S100PBP: variants seen among roughly 807,000 people sequenced by gnomAD.
The protein encoded by S100PBP is S100P-binding protein.
A neutral mutation model predicts 39.9 loss-of-function variants in S100PBP; 15 were observed. That is an observed-to-expected ratio of 0.38 (90% confidence interval 0.25 to 0.58). The LOEUF is 0.58. S100PBP is among the 20% of genes least tolerant of loss of function. The pLI, the probability that S100PBP is intolerant of heterozygous loss-of-function variation, is 0.70. For missense variants in S100PBP, 504 were observed against 487.3 expected (o/e 1.03, Z -0.32); for synonymous variants, 178 against 180.3 (o/e 0.99, Z 0.10).
chr1:32,829,429 G>C (rs1639490123), intron 4 of S100PBP, among the ~76,000 whole-genome samples: 1 of 152,106 alleles, frequency 6.6e-6, no homozygotes, highest in South Asian at 2.1e-4. Flanking sequence ...TTAGCAGGAG[G>C]TTGTATCTAT....
intron 5 of S100PBP, among the ~76,000 whole-genome samples, chr1:32,841,181 A>T (rs140009755): frequency 0.021 from 3,114 of 151,886 alleles, 56 homozygotes; most frequent in Non-Finnish European, 0.028. Flanking sequence ...AAAATAAAAA[A>T]AATTGGATTA....
Position 32,858,336 on chromosome 1 carries a change from T to G in S100PBP, c.*2298T>G, listed in dbSNP as rs1326034950. On this transcript the variant is annotated 3_prime_UTR_variant, in exon 7 of 7. Coordinates refer to ENST00000373475, the MANE Select transcript of S100PBP (RefSeq NM_022753.4). ...CACATTTCCTCTTAGCTCAAATAAT[T>G]CTGTTTTTCCAAAGCTTTAGCAGCT... The G allele has an allele frequency of 6.6e-6, 1 of 152,632 alleles. No homozygotes were observed. The highest frequency in any genetic ancestry group is 1.5e-5 in the Non-Finnish European group (1 of 68,032). 9.5% of individuals were successfully genotyped at this position (152,632 alleles called of 1,614,324 possible). A position where few individuals can be genotyped will look rare whatever the true frequency, so the allele number is the denominator to read the frequency against.
At chr1:32,817,260 G>A (rs1324822622), upstream of S100PBP, 9 of 1,613,622 alleles carry the variant, frequency 5.6e-6, no homozygotes, top group Admixed American at 1.7e-5. Context: ...CGCTACCCCT[G>A]CTTCCCCCGC....
intron 5 of S100PBP, among the ~76,000 whole-genome samples, chr1:32,841,729 CAAAAAAAAAAA>C (rs56267418): frequency 1.3e-4 from 7 of 55,172 alleles, no homozygotes; most frequent in Admixed American, 8.2e-4. Context: ...AACTCTGTCT[CAAAAAAAAAAA>C]AAAAAAAAAA....
At chr1:32,824,612 G>T (rs6698668) in intron 1 of S100PBP, among the ~76,000 whole-genome samples, 101,333 of 150,074 alleles carry the variant, frequency 0.68, 34,436 homozygotes, top group East Asian at 0.79. Flanking sequence ...ACCCTGGCTG[G>T]AGTGCAGCGA....
chr1:32,844,041 G>A (rs964149550), intron 5 of S100PBP, among the ~76,000 whole-genome samples: 2 of 151,808 alleles, frequency 1.3e-5, no homozygotes, highest in Non-Finnish European at 2.9e-5. Context: ...AGCCTCCCGA[G>A]TAGCTGGGAC....
intron 1 of S100PBP, among the ~76,000 whole-genome samples, chr1:32,822,936 G>C (rs186593340): frequency 6.6e-6 from 1 of 152,236 alleles, no homozygotes; most frequent in East Asian, 1.9e-4. Flanking sequence ...GTTATAGATT[G>C]TACTGAATTT....
intron 5 of S100PBP, among the ~76,000 whole-genome samples, chr1:32,839,429 C>T (rs1453852499): frequency 2.6e-5 from 4 of 152,124 alleles, no homozygotes; most frequent in Non-Finnish European, 4.4e-5. Flanking sequence ...TGAATAATGC[C>T]GTTATGCATA....
rs1354429323 is a variant in S100PBP at position 32,858,650 on chromosome 1, C to T, written c.*2612C>T. 1 of 152,200 alleles carries T rather than the reference C, an allele frequency of 6.6e-6. No homozygotes were observed. Among genetic ancestry groups the T allele is most frequent in the East Asian group, 1.9e-4 (1 of 5,200 alleles). The allele number at this position is 152,200 out of a possible 1,614,324, so 9.4% of individuals were successfully genotyped here. On this transcript the variant is annotated 3_prime_UTR_variant, in exon 7 of 7. Coordinates refer to ENST00000373475, the MANE Select transcript of S100PBP (RefSeq NM_022753.4). ...TTCTTCATCCATGACGACATTCCCA[C>T]CATGGGGGTCTTGACAAAGCAGAGT... is the stretch of plus-strand genomic sequence containing the variant.
In S100PBP at chr1:32,856,101, T is replaced by A; in HGVS notation, c.*63T>A. Reference sequence around the variant, plus strand: ...GGGTCCTGCTTGGAGCAGCATTTCATGTTCTTTTGCTGTTTTGTGCTTTGC... The same window carrying A: ...GGGTCCTGCTTGGAGCAGCATTTCAAGTTCTTTTGCTGTTTTGTGCTTTGC... On this transcript the variant is annotated 3_prime_UTR_variant, in exon 7 of 7. Transcript: ENST00000373475. 1 of 1,077,172 alleles carries A rather than the reference T, an allele frequency of 9.3e-7. No individual in the cohort carries two copies. The highest frequency in any genetic ancestry group is 2.0e-5 in the Admixed American group (1 of 49,928). 66.7% of individuals were successfully genotyped at this position (1,077,172 alleles called of 1,614,324 possible).
At chr1:32,846,710 A>C (rs1293969997) in intron 5 of S100PBP, 1 of 151,954 alleles carries the variant, frequency 6.6e-6, no homozygotes, top group Admixed American at 6.6e-5. Flanking sequence ...GCCTCAAGCA[A>C]GCCTCCCACC....
intron 5 of S100PBP, among the ~76,000 whole-genome samples, chr1:32,843,994 G>C (rs1288509954): frequency 6.6e-6 from 1 of 151,792 alleles, no homozygotes; most frequent in African/African-American, 2.4e-5. Flanking sequence ...GCTCACTGCA[G>C]TCTCCGCCTT....
intron 5 of S100PBP, among the ~76,000 whole-genome samples, chr1:32,841,796 TAAAAG>T (rs1436642671): frequency 2.0e-5 from 3 of 151,510 alleles, no homozygotes; most frequent in Admixed American, 1.3e-4. Context: ...AATCTTTGCT[TAAAAG>T]AAAAGGCCAC....
chr1:32,825,816 C>T (rs151047460), intron 2 of S100PBP, among the ~76,000 whole-genome samples: 3 of 152,324 alleles, frequency 2.0e-5, no homozygotes, highest in East Asian at 3.9e-4. Context: ...ACTGACTTAA[C>T]GCTTTTACTG....
At chr1:32,829,828 C>T in intron 4 of S100PBP, 136 bp from the exon 5 acceptor site, 1 of 636,108 alleles carries the variant, frequency 1.6e-6, no homozygotes, top group Non-Finnish European at 2.8e-6. Context: ...CTGTCCTCTG[C>T]CTCTCGATCA....
rs1224109505 is a variant in S100PBP at position 32,826,766 on chromosome 1, G to A, written c.667G>A (p.Val223Ile). ...TTCAAACAATAACTTTCAACAGACT[G>A]TCTCTGATAAAAATATGCCTGACAG... The part of the protein sequence containing the change: ...SSSNNNFQQT[V>I]SDKNMPDSEN... Residue 223 changes from valine (V) to isoleucine (I), a missense_variant, in exon 3 of 7, where the codon GTC becomes ATC. By Grantham distance (29) the Val-to-Ile change is conservative. Transcript: ENST00000373475. 3.1e-6 allele frequency: 5 copies of A among 1,613,972 alleles called. No homozygotes were observed. Among genetic ancestry groups the A allele is most frequent in the African/African-American group, 2.7e-5 (2 of 74,900 alleles).
In S100PBP at chr1:32,826,098, A is replaced by C; in HGVS notation, c.-2A>C. On this transcript the variant is annotated splice_region_variant and 5_prime_UTR_variant, in exon 3 of 7. Coordinates refer to ENST00000373475, the MANE Select transcript of S100PBP (RefSeq NM_022753.4). ...GTGAAATTGTCTCTTATTTCTCCAG[A>C]AATGATGTGCTCACGGGTGCCCTCT... The C allele has an allele frequency of 6.3e-7, 1 of 1,590,638 alleles. No homozygotes were observed. Among genetic ancestry groups the C allele is most frequent in the East Asian group, 2.2e-5 (1 of 44,700 alleles).
intron 1 of S100PBP, among the ~76,000 whole-genome samples, chr1:32,819,630 G>A (rs1388155590): frequency 1.3e-5 from 2 of 152,152 alleles, no homozygotes; most frequent in Non-Finnish European, 2.9e-5. Flanking sequence ...CCAGACAAGT[G>A]CTAAGAAAGG....
chr1:32,842,236 TAC>T lies in S100PBP; in HGVS notation c.1025-10810_1025-10809del, dbSNP rs1553132298. On this transcript the variant is annotated intron_variant, in intron 5 of 6. Coordinates refer to ENST00000373475, the MANE Select transcript of S100PBP (RefSeq NM_022753.4). Reference sequence around the variant, plus strand: ...ATATATATATGTATATATATATATATACACACACACACACACACACACACACA... The same window carrying T: ...ATATATATATGTATATATATATATATACACACACACACACACACACACACA... 4.6e-3 allele frequency among the ~76,000 whole-genome samples: 370 copies of T among 80,858 alleles called. 1 individual carries two copies. The highest frequency in any genetic ancestry group is 0.013 in the African/African-American group (281 of 21,326). The allele number at this position is 80,858 out of a possible 152,430, so 53.0% of individuals were successfully genotyped here.
Sources: allele counts gnomAD v4.1 joint callset (sites outside exome capture counted in the v4.1 genomes callset), GRCh38; gene constraint gnomAD v4.1.1; transcripts MANE v1.5; gene names NCBI Gene and HGNC (gene_info 2026-07-23, HGNC 2026-07-21).